Variants in TBC1D22B observed in about 807,000 individuals in gnomAD.
The protein encoded by TBC1D22B is TBC1 domain family member 22B.
Under a neutral mutation model 69.1 loss-of-function variants are expected in TBC1D22B, and 32 were observed. That is an observed-to-expected ratio of 0.46 (90% CI 0.35 to 0.62). The LOEUF (loss-of-function observed/expected upper bound fraction) is 0.62, where lower values mean the gene tolerates loss of function less well. TBC1D22B is among the 20% of genes least tolerant of loss of function. The pLI is 0.00. For synonymous variants in TBC1D22B, 206 were observed against 229.8 expected, an observed-to-expected ratio of 0.90 and a Z score of 0.94; for missense variants, 462 against 630.9, an observed-to-expected ratio of 0.73 and a Z score of 2.87.
chr6:37,325,361 C>T (rs1359599692), intron 12 of TBC1D22B, among the ~76,000 whole-genome samples: 2 of 151,996 alleles, frequency 1.3e-5, no homozygotes, highest in Non-Finnish European at 2.9e-5. Context: ...AAGCTTTCTC[C>T]TCCTCCTGAC....
chr6:37,282,499 A>G (rs1029519854), intron 4 of TBC1D22B, 135 bp downstream of exon 4: 1 of 1,070,282 alleles, frequency 9.3e-7, no homozygotes, highest in African/African-American at 1.6e-5. Context: ...TTGCAGTGAC[A>G]TGCAGGTATT....
At chr6:37,330,989 C>T (rs1172287791) in intron 12 of TBC1D22B, 55 bp from the exon 13 acceptor site, 1 of 1,603,938 alleles carries the variant, frequency 6.2e-7, no homozygotes. Context: ...AATGGGTTCA[C>T]TTGTCTGATG....
chr6:37,295,467 T>C, intron 8 of TBC1D22B: 1 of 250,484 alleles, frequency 4.0e-6, no homozygotes, highest in Non-Finnish European at 8.2e-6. Flanking sequence ...TGGTTTTATT[T>C]TAAGCTTTAC....
Position 37,317,076 on chromosome 6 carries a change from G to T in TBC1D22B, c.1294-35G>T, listed in dbSNP as rs763593173. The stretch of plus-strand genomic sequence containing the variant: ...GGACCAGAGCTGAATCTTTGTCAGG[G>T]CTGGGAGACCTAACTCTATTTTTCT... On this transcript the variant is annotated intron_variant, in intron 11 of 12. Coordinates refer to ENST00000373491, the MANE Select transcript of TBC1D22B (RefSeq NM_017772.4). The T allele has an allele frequency of 2.9e-5, 45 of 1,544,668 alleles. No homozygotes were observed. The South Asian group carries it at 5.1e-4, about 18-fold the overall frequency.
chr6:37,277,285 A>G (rs1766697178), intron 2 of TBC1D22B, among the ~76,000 whole-genome samples: 1 of 152,200 alleles, frequency 6.6e-6, no homozygotes, highest in African/African-American at 2.4e-5. Flanking sequence ...GTTATATTAG[A>G]TGACAGATCT....
At chr6:37,295,749 G>A (rs527934154) in intron 8 of TBC1D22B, 1 of 293,542 alleles carries the variant, frequency 3.4e-6, no homozygotes, top group African/African-American at 2.3e-5. Flanking sequence ...AGTTCCACAT[G>A]GCTGGGGAGG....
At chr6:37,285,928 G>A (rs142953647) in intron 6 of TBC1D22B, among the ~76,000 whole-genome samples, 2 of 152,226 alleles carry the variant, frequency 1.3e-5, no homozygotes, top group African/African-American at 4.8e-5. Context: ...GCCCTTCCCC[G>A]CTTCTTACAC....
chr6:37,259,320 T>G (rs9462289), intron 1 of TBC1D22B, among the ~76,000 whole-genome samples: 3,951 of 152,296 alleles, frequency 0.026, 180 homozygotes, highest in African/African-American at 0.089. Context: ...AGATGTTCTG[T>G]GTTTTTAGGT....
intron 6 of TBC1D22B, 145 bp downstream of exon 6, chr6:37,284,609 C>T (rs1766947427): frequency 1.0e-6 from 1 of 965,250 alleles, no homozygotes; most frequent in East Asian, 3.1e-5. Flanking sequence ...AAACTGTTTC[C>T]CCTCTTTTCA....
intron 5 of TBC1D22B, 60 bp downstream of exon 5, chr6:37,283,012 A>G: frequency 1.5e-5 from 23 of 1,494,306 alleles, no homozygotes; most frequent in Non-Finnish European, 2.0e-5. Context: ...TTGCCTGATG[A>G]GGTTAGTCTG....
At chr6:37,269,112 T>C (rs1766400168) in intron 1 of TBC1D22B, among the ~76,000 whole-genome samples, 1 of 152,234 alleles carries the variant, frequency 6.6e-6, no homozygotes, top group African/African-American at 2.4e-5. Flanking sequence ...TTCCTAGATA[T>C]GGCTAAATTA....
chr6:37,273,957 A>G (rs1210312309), intron 2 of TBC1D22B, among the ~76,000 whole-genome samples: 2 of 152,242 alleles, frequency 1.3e-5, no homozygotes, highest in Non-Finnish European at 2.9e-5. Flanking sequence ...TCTAAACTGC[A>G]CAAGCACAGT....
rs73421984 is a variant in TBC1D22B, at chr6:37,305,346, C to T, written c.983-7572C>T. 3.9e-3 allele frequency among the ~76,000 whole-genome samples: 600 copies of T among 152,270 alleles called. 5 individuals carry two copies. Among genetic ancestry groups the T allele is most frequent in the African/African-American group, 0.014 (573 of 41,526 alleles). The stretch of plus-strand genomic sequence containing the variant: ...GAAAAGTGCATCTGTCATACATGCA[C>T]AGTTCGATGAATTTCCCCAAAATAA... On this transcript the variant is annotated intron_variant, in intron 8 of 12. Coordinates refer to ENST00000373491, the MANE Select transcript of TBC1D22B (RefSeq NM_017772.4).
chr6:37,268,951 C>T (rs1766392316), intron 1 of TBC1D22B, among the ~76,000 whole-genome samples: 2 of 152,034 alleles, frequency 1.3e-5, no homozygotes, highest in Non-Finnish European at 2.9e-5. Flanking sequence ...TATTGATGGA[C>T]ATTTGGGTTA....
intron 12 of TBC1D22B, among the ~76,000 whole-genome samples, chr6:37,321,898 G>A (rs1392746171): frequency 6.6e-6 from 1 of 152,170 alleles, no homozygotes; most frequent in African/African-American, 2.4e-5. Context: ...TTAATTGGGT[G>A]TGTACTTATG....
At chr6:37,319,851 A>G (rs1768188435) in intron 12 of TBC1D22B, among the ~76,000 whole-genome samples, 1 of 152,254 alleles carries the variant, frequency 6.6e-6, no homozygotes, top group African/African-American at 2.4e-5. Flanking sequence ...CAAGGGCACA[A>G]AGCATTGTGT....
chr6:37,316,602 T>C, intron 10 of TBC1D22B, 101 bp from the exon 11 acceptor site: 1 of 1,372,648 alleles, frequency 7.3e-7, no homozygotes, highest in African/African-American at 1.4e-5. Context: ...TGCTTACCCA[T>C]GGGAGGGGGC....
chr6:37,296,019 T>C (rs983297125), intron 8 of TBC1D22B, among the ~76,000 whole-genome samples: 4 of 152,230 alleles, frequency 2.6e-5, no homozygotes, highest in Non-Finnish European at 5.9e-5. Flanking sequence ...GCCATCAACA[T>C]TGAGGCAAGA....
At chr6:37,259,556 A>T (rs986882851) in intron 1 of TBC1D22B, among the ~76,000 whole-genome samples, 1 of 152,044 alleles carries the variant, frequency 6.6e-6, no homozygotes, top group Admixed American at 6.5e-5. Flanking sequence ...GCTATTAACA[A>T]TCTTTTTTTC....
Sources: allele counts gnomAD v4.1 joint callset (sites outside exome capture counted in the v4.1 genomes callset), GRCh38; gene constraint gnomAD v4.1.1; transcripts MANE v1.5; gene names NCBI Gene and HGNC (gene_info 2026-07-23, HGNC 2026-07-21).